The following CNTN4 variants were observed in gnomAD, a reference collection of about 807,000 sequenced individuals.
CNTN4 encodes contactin 4, also known as contactin-4.
In CNTN4, 77 loss-of-function variants were observed where a neutral mutation model predicts 122.5. The observed-to-expected ratio is 0.63, with a 90% CI of 0.52 to 0.76. CNTN4 has a LOEUF of 0.76. Among genes scored for constraint, CNTN4 ranks in the 30% least tolerant of loss-of-function variants. CNTN4 has a pLI of 0.00. For missense variants in CNTN4, 1,256 were observed against 1,259.1 expected (o/e 1.00, Z 0.04); for synonymous variants, 512 against 447.0 (o/e 1.15, Z -1.83).
intron 2 of CNTN4, among the ~76,000 whole-genome samples, chr3:2,105,104 TG>T (rs2032324473): frequency 6.6e-6 from 1 of 152,180 alleles, no homozygotes; most frequent in Non-Finnish European, 1.5e-5. Flanking sequence ...TTTTTCTCAG[TG>T]GCTCTAGTTG....
chr3:2,221,195 G>T (rs1223315534), intron 2 of CNTN4, among the ~76,000 whole-genome samples: 1 of 152,052 alleles, frequency 6.6e-6, no homozygotes, highest in Non-Finnish European at 1.5e-5. Flanking sequence ...ATGCATCCCA[G>T]ATTTGTGGGC....
intron 6 of CNTN4, among the ~76,000 whole-genome samples, chr3:2,749,769 CTAGATGTTTT>C (rs1231561565): frequency 6.6e-6 from 1 of 152,078 alleles, no homozygotes; most frequent in Non-Finnish European, 1.5e-5. Flanking sequence ...TCCATAGTTT[CTAGATGTTTT>C]TCCCTATCTT....
intron 3 of CNTN4, among the ~76,000 whole-genome samples, chr3:2,462,685 A>G (rs908435116): frequency 2.0e-5 from 3 of 152,208 alleles, no homozygotes; most frequent in African/African-American, 4.8e-5. Flanking sequence ...TACATTGTAT[A>G]TTTCTCACAA....
At chr3:2,157,850 C>T (rs896935461) in intron 2 of CNTN4, among the ~76,000 whole-genome samples, 1 of 152,176 alleles carries the variant, frequency 6.6e-6, no homozygotes. Context: ...ATCTTTCACA[C>T]ATAGCTATCA....
intron 2 of CNTN4, among the ~76,000 whole-genome samples, chr3:2,136,958 A>G (rs2034721786): frequency 6.6e-6 from 1 of 152,222 alleles, no homozygotes; most frequent in East Asian, 1.9e-4. Flanking sequence ...AAAACAAACA[A>G]CCCCTCCCCC....
At chr3:2,937,345 A>G (rs1173830282) in intron 13 of CNTN4, among the ~76,000 whole-genome samples, 1 of 152,178 alleles carries the variant, frequency 6.6e-6, no homozygotes, top group East Asian at 1.9e-4. Context: ...CCCTGGAGAA[A>G]TCAGAGCCCA....
intron 4 of CNTN4, among the ~76,000 whole-genome samples, chr3:2,661,514 TAA>T (rs11337004): frequency 4.1e-5 from 6 of 147,838 alleles, no homozygotes; most frequent in African/African-American, 7.4e-5. Context: ...AATTTTTGTT[TAA>T]AAAAAAAAAA....
At chr3:2,245,867 G>A (rs1477315023) in intron 2 of CNTN4, among the ~76,000 whole-genome samples, 5 of 151,788 alleles carry the variant, frequency 3.3e-5, no homozygotes, top group East Asian at 3.9e-4. Flanking sequence ...TCATGAATTC[G>A]TACTTAAATC....
At chr3:2,369,831 C>G (rs1393413591) in intron 3 of CNTN4, among the ~76,000 whole-genome samples, 1 of 152,024 alleles carries the variant, frequency 6.6e-6, no homozygotes, top group Non-Finnish European at 1.5e-5. Flanking sequence ...AACCAGCTGC[C>G]TTTCTTTTAT....
intron 13 of CNTN4, among the ~76,000 whole-genome samples, chr3:2,974,137 T>G (rs529500923): frequency 4.6e-5 from 7 of 152,304 alleles, no homozygotes; most frequent in Middle Eastern, 3.4e-3. Context: ...AAAAAAGTAG[T>G]TCCTAGGCTG....
At chr3:2,359,025 T>C (rs1198086197) in intron 3 of CNTN4, among the ~76,000 whole-genome samples, 1 of 152,228 alleles carries the variant, frequency 6.6e-6, no homozygotes, top group Non-Finnish European at 1.5e-5. Flanking sequence ...GTCATAGTTA[T>C]ATCAAATATT....
intron 6 of CNTN4, among the ~76,000 whole-genome samples, chr3:2,756,069 G>C (rs2090322517): frequency 6.6e-6 from 1 of 152,176 alleles, no homozygotes; most frequent in South Asian, 2.1e-4. Flanking sequence ...TGTCACAATT[G>C]CTCTAATTAT....
At chr3:2,705,874 AT>A (rs1165093340) in intron 4 of CNTN4, among the ~76,000 whole-genome samples, 1,014 of 73,260 alleles carry the variant, frequency 0.014, 24 homozygotes, top group African/African-American at 0.062. Context: ...TATATAATAT[AT>A]ATTTTTTATA....
At chr3:2,860,606 T>TATC (rs1372481141) in intron 7 of CNTN4, among the ~76,000 whole-genome samples, 5 of 152,172 alleles carry the variant, frequency 3.3e-5, no homozygotes, top group African/African-American at 1.2e-4. Flanking sequence ...AGAGGTACAA[T>TATC]ATCTCTCCCA....
intron 5 of CNTN4, among the ~76,000 whole-genome samples, chr3:2,740,311 G>A (rs916793640): frequency 2.6e-5 from 4 of 152,326 alleles, no homozygotes; most frequent in Admixed American, 2.6e-4. Context: ...AGTGAGCTAT[G>A]ATTGCACCAC....
chr3:2,370,071 C>T (rs1016641122), intron 3 of CNTN4, among the ~76,000 whole-genome samples: 6 of 152,134 alleles, frequency 3.9e-5, no homozygotes, highest in African/African-American at 1.4e-4. Flanking sequence ...GTCCCGACAC[C>T]ACTTTTAGTT....
rs908476455 is a variant in CNTN4, at chr3:2,267,715, A to G, written c.-144-71463A>G. Reference sequence around the variant, plus strand: ...CTTCTGTAGCTACTTGAAAACACCCATTGCTTCTTAAAGTAACCTATTGTC... The same window carrying G: ...CTTCTGTAGCTACTTGAAAACACCCGTTGCTTCTTAAAGTAACCTATTGTC... On this transcript the variant is annotated intron_variant, in intron 2 of 24. Transcript: ENST00000418658. Among the ~76,000 whole-genome samples the G allele has an allele frequency of 4.0e-5, 6 of 151,850 alleles. No individual in the cohort carries two copies. In the East Asian group the frequency reaches 9.7e-4, roughly 24 times the overall value.
intron 4 of CNTN4, among the ~76,000 whole-genome samples, chr3:2,572,189 C>A (rs1269273898): frequency 6.6e-6 from 1 of 152,146 alleles, no homozygotes; most frequent in Non-Finnish European, 1.5e-5. Context: ...GAAGTTCAGA[C>A]CAGCCTGAGT....
At chr3:2,109,673 T>G (rs1246278276) in intron 2 of CNTN4, among the ~76,000 whole-genome samples, 1 of 152,194 alleles carries the variant, frequency 6.6e-6, no homozygotes, top group African/African-American at 2.4e-5. Flanking sequence ...TTGTAAGATT[T>G]GATTCTAGGC....
Sources: allele counts gnomAD v4.1 joint callset (sites outside exome capture counted in the v4.1 genomes callset), GRCh38; gene constraint gnomAD v4.1.1; transcripts MANE v1.5; gene names NCBI Gene and HGNC (gene_info 2026-07-23, HGNC 2026-07-21).